The following ANK3 variants were observed in gnomAD, a reference collection of about 807,000 sequenced individuals.
ANK3 encodes the protein ankyrin 3.
In ANK3, 57 loss-of-function variants were observed where a neutral mutation model predicts 370.9. That is an observed-to-expected ratio of 0.15 (90% CI 0.12 to 0.19). The LOEUF (loss-of-function observed/expected upper bound fraction) is 0.19, where lower values mean the gene tolerates loss of function less well. Among genes scored for constraint, ANK3 ranks in the 10% least tolerant of loss-of-function variants. ANK3 has a pLI of 1.00. For synonymous variants in ANK3, 1,929 were observed against 1,946.3 expected (o/e 0.99, Z 0.23); for missense variants, 4,439 against 5,302.1 (o/e 0.84, Z 5.06).
At chr10:60,427,428 G>T (rs981058637) in intron 2 of ANK3, among the ~76,000 whole-genome samples, 15 of 151,838 alleles carry the variant, frequency 9.9e-5, no homozygotes, top group African/African-American at 3.4e-4. Context: ...TGACATTCTT[G>T]GTGAGGAACC....
intron 1 of ANK3, chr10:60,300,247 G>T: frequency 1.1e-6 from 1 of 918,782 alleles, no homozygotes; most frequent in Non-Finnish European, 1.5e-6. Context: ...TTTTTAAAAG[G>T]CACAACTATT....
chr10:60,669,936 C>T (rs1487074828), intron 1 of ANK3, among the ~76,000 whole-genome samples: 1 of 152,134 alleles, frequency 6.6e-6, no homozygotes, highest in African/African-American at 2.4e-5. Context: ...GATCCTCCCA[C>T]CCCAGCCTTT....
At position 60,257,720 on chromosome 10, in the gene ANK3, T is replaced by C. The variant is rs2097758151; in HGVS notation, c.798+4139A>G. On this transcript the variant is annotated intron_variant, in intron 7 of 43. Transcript: ENST00000280772. ...CTCATTCCTGCTGCTTGGTAACATTTACTTTTTTGGTTCCGCCCTTCACGT... is the reference window on the plus strand; with the variant it reads ...CTCATTCCTGCTGCTTGGTAACATTCACTTTTTTGGTTCCGCCCTTCACGT... Among the ~76,000 whole-genome samples, 3 of 152,182 alleles carry C rather than the reference T, an allele frequency of 2.0e-5. No homozygotes were observed. The South Asian group carries it at 6.2e-4, about 31-fold the overall frequency.
chr10:60,106,034 A>G lies in ANK3; in HGVS notation c.3199T>C (p.Phe1067Leu). The G allele has an allele frequency of 6.2e-7, 1 of 1,609,814 alleles. No homozygotes were observed. Among genetic ancestry groups the G allele is most frequent in the African/African-American group, 1.3e-5 (1 of 74,836 alleles). Reference sequence around the variant, plus strand: ...CTCTCTTTTCCTCTCATGGACCCAAAGTGAGGGATTTCCACTATGACAGGG... The same window carrying G: ...CTCTCTTTTCCTCTCATGGACCCAAGGTGAGGGATTTCCACTATGACAGGG... Reference protein sequence around the residue: ...LGPVIVEIPHFGSMRGKEREL... With the variant: ...LGPVIVEIPHLGSMRGKEREL... The change falls in exon 28 of 44, where the codon TTT (phenylalanine) becomes CTT (leucine). Residue 1067 changes from phenylalanine (F) to leucine (L), a missense_variant. This residue lies in a region of ANK3 where 702 missense variants were observed against 941.5 expected (regional missense o/e 0.75). Transcript: ENST00000280772.
chr10:60,196,654 A>C (rs376556467), intron 14 of ANK3, 29 bp from the exon 15 acceptor site: 21 of 1,418,924 alleles, frequency 1.5e-5, no homozygotes, highest in Non-Finnish European at 2.1e-5. Context: ...AAAAATAATG[A>C]ACAATAGAAA....
intron 1 of ANK3, among the ~76,000 whole-genome samples, chr10:60,680,203 A>C (rs2079177280): frequency 1.3e-5 from 2 of 152,164 alleles, no homozygotes; most frequent in Admixed American, 1.3e-4. Flanking sequence ...AAAATATAAA[A>C]CTTGCCTTGG....
intron 1 of ANK3, among the ~76,000 whole-genome samples, chr10:60,335,470 G>A (rs888287894): frequency 3.3e-5 from 5 of 152,106 alleles, no homozygotes; most frequent in African/African-American, 1.2e-4. Context: ...GAGAAGTCAG[G>A]CCTGGACCAT....
Position 60,693,236 on chromosome 10 carries a change from C to T in ANK3, c.57+40027G>A, listed in dbSNP as rs544931240. Among the ~76,000 whole-genome samples the T allele has an allele frequency of 1.1e-3, 162 of 152,366 alleles. 1 individual carries two copies. Among genetic ancestry groups the T allele is most frequent in the Middle Eastern group, 6.8e-3 (2 of 294 alleles). ...GCTCACCAGGAGATTATATCCCGCA[C>T]CTGGCTCGCAGGGTCCTAAGCCCAC... On this transcript the variant is annotated intron_variant, in intron 1 of 43. Coordinates refer to the ANK3 transcript ENST00000373827.
rs147582426 is a variant in ANK3 at position 60,083,594 on chromosome 10, A to G, written c.4098T>C (p.Tyr1366=). The G allele has an allele frequency of 1.0e-5, 16 of 1,607,050 alleles. No individual in the cohort carries two copies. Among genetic ancestry groups the G allele is most frequent in the Admixed American group, 5.1e-5 (3 of 59,052 alleles). ...GGGCCAAATTTCCATAACAATCAAC[A>G]TAAATAGGTTTTCCTTCCAGAACCT... ...DIEVLEGKPI[Y]VDCYGNLAPL... The change falls in exon 33 of 44, where the codon TAT becomes TAC. Residue 1366 remains tyrosine, a synonymous_variant. Transcript: ENST00000280772.
At chr10:60,563,783 T>C (rs1182490408) in intron 2 of ANK3, among the ~76,000 whole-genome samples, 1 of 152,156 alleles carries the variant, frequency 6.6e-6, no homozygotes, top group Non-Finnish European at 1.5e-5. Context: ...CTACTATATA[T>C]AAAATAAATT....
rs1372064804 is a variant in ANK3 at position 60,407,282 on chromosome 10, AC to A, written c.97-127644del. On this transcript the variant is annotated intron_variant, in intron 2 of 43. Transcript: ENST00000373827. The stretch of plus-strand genomic sequence containing the variant: ...TTGATCTTTTCTTGAAGTATGTGGC[AC>A]CCCTAAGCTCTTATTTCTGGCCTCT... Among the ~76,000 whole-genome samples the A allele has an allele frequency of 3.3e-5, 5 of 152,302 alleles. No individual in the cohort carries two copies. The East Asian group carries it at 9.6e-4, about 29-fold the overall frequency.
chr10:60,223,441 A>G (rs1003752569), intron 8 of ANK3, among the ~76,000 whole-genome samples: 6 of 152,138 alleles, frequency 3.9e-5, no homozygotes, highest in African/African-American at 1.4e-4. Flanking sequence ...ATCATGAATA[A>G]TTTTTTAATT....
intron 36 of ANK3, among the ~76,000 whole-genome samples, chr10:60,078,307 G>A (rs1189201222): frequency 6.6e-6 from 1 of 152,126 alleles, no homozygotes; most frequent in Admixed American, 6.5e-5. Context: ...TCTAAAGAAA[G>A]TGGAAGAACT....
chr10:60,089,768 G>A (rs974861762), intron 28 of ANK3, among the ~76,000 whole-genome samples: 1 of 151,834 alleles, frequency 6.6e-6, no homozygotes, highest in African/African-American at 2.4e-5. Flanking sequence ...GACAATAATA[G>A]AGAATCAAGA....
intron 2 of ANK3, among the ~76,000 whole-genome samples, chr10:60,602,434 C>T (rs2078076992): frequency 6.6e-6 from 1 of 152,112 alleles, no homozygotes; most frequent in South Asian, 2.1e-4. Flanking sequence ...CTTGTCTCCG[C>T]TAATATGCAC....
intron 1 of ANK3, among the ~76,000 whole-genome samples, chr10:60,700,248 A>G (rs2133416605): frequency 6.6e-6 from 1 of 152,338 alleles, no homozygotes; most frequent in Middle Eastern, 3.4e-3. Context: ...ACAGATAAAT[A>G]CAATTTATAA....
Position 60,632,122 on chromosome 10 carries a change from C to T in ANK3, c.58-16898G>A, listed in dbSNP as rs1049749789. Among the ~76,000 whole-genome samples the T allele has an allele frequency of 1.1e-4, 17 of 152,258 alleles. 1 individual carries two copies. The South Asian group carries it at 1.2e-3, about 11-fold the overall frequency. ...TCTGCTATCAACTGCTAACTTCAAA[C>T]CCTGTATCTACAAAATCAGACATTC... is the stretch of plus-strand genomic sequence containing the variant. On this transcript the variant is annotated intron_variant, in intron 1 of 43. Transcript: ENST00000373827.
At chr10:60,093,627 C>T (rs557088755) in intron 28 of ANK3, among the ~76,000 whole-genome samples, 7 of 152,144 alleles carry the variant, frequency 4.6e-5, no homozygotes, top group African/African-American at 1.4e-4. Flanking sequence ...ATAACACCCC[C>T]GAAAACGATG....
At chr10:60,223,246 G>A (rs2097090909) in intron 8 of ANK3, among the ~76,000 whole-genome samples, 1 of 152,174 alleles carries the variant, frequency 6.6e-6, no homozygotes, top group Admixed American at 6.5e-5. Context: ...TTAGCCAGAA[G>A]TGCCCCTACC....
Sources: gnomAD v4.1 joint callset for allele counts (sites outside exome capture counted in the v4.1 genomes callset) on GRCh38, gnomAD v4.1.1 for gene constraint, gnomAD v4.1.1 regional missense constraint, MANE v1.5 for transcripts, NCBI Gene and HGNC (gene_info 2026-07-23, HGNC 2026-07-21) for gene names.